The following PHLDB2 variants were observed in gnomAD, a reference collection of about 807,000 sequenced individuals.
The protein encoded by PHLDB2 is pleckstrin homology-like domain family B member 2.
In PHLDB2, 71 loss-of-function variants were observed where a neutral mutation model predicts 123.6. That is an observed-to-expected ratio of 0.57 (90% CI 0.47 to 0.70). The LOEUF (loss-of-function observed/expected upper bound fraction) is 0.70. Among genes scored for constraint, PHLDB2 ranks in the 30% least tolerant of loss-of-function variants. The pLI, the probability that PHLDB2 is intolerant of heterozygous loss-of-function variation, is 0.00. For synonymous variants in PHLDB2, 547 were observed against 541.6 expected (o/e 1.01, Z -0.14); for missense variants, 1,446 against 1,519.5 (o/e 0.95, Z 0.80).
At chr3:111,946,968 ACAGTT>A (rs59671034) in intron 9 of PHLDB2, among the ~76,000 whole-genome samples, 11,053 of 152,264 alleles carry the variant, frequency 0.073, 409 homozygotes, top group Non-Finnish European at 0.087. Context: ...GGTAGAGTTG[ACAGTT>A]CACAGTTCTT....
intron 1 of PHLDB2, among the ~76,000 whole-genome samples, chr3:111,789,771 G>A (rs1174612743): frequency 3.3e-5 from 5 of 152,214 alleles, no homozygotes; most frequent in African/African-American, 9.6e-5. Context: ...AGTTACCGCC[G>A]TGCCAAAATT....
intron 2 of PHLDB2, among the ~76,000 whole-genome samples, chr3:111,899,647 A>C (rs1221259903): frequency 2.0e-5 from 3 of 152,198 alleles, no homozygotes; most frequent in Non-Finnish European, 4.4e-5. Context: ...TTTCAACTTA[A>C]AGTTAGCAGC....
chr3:111,780,291 A>AGAAGAAGAAGAG (rs1559827019), intron 1 of PHLDB2, among the ~76,000 whole-genome samples: 2 of 2,354 alleles, frequency 8.5e-4, no homozygotes, highest in African/African-American at 1.1e-3. Context: ...AAGAAGAAGA[A>AGAAGAAGAAGAG]GAAGAGGAAG....
At chr3:111,772,402 A>G (rs547232401) in intron 1 of PHLDB2, among the ~76,000 whole-genome samples, 1 of 152,310 alleles carries the variant, frequency 6.6e-6, no homozygotes, top group South Asian at 2.1e-4. Flanking sequence ...GGGAAGGAGT[A>G]AAAAGAAGGA....
At chr3:111,760,324 C>T (rs2059970854) in intron 1 of PHLDB2, among the ~76,000 whole-genome samples, 3 of 152,112 alleles carry the variant, frequency 2.0e-5, no homozygotes, top group East Asian at 3.8e-4. Context: ...AGATGGAATC[C>T]AAAGATCCCT....
chr3:111,974,432 C>A lies in PHLDB2; in HGVS notation c.3631C>A (p.Pro1211Thr). The change falls in exon 18 of 18, where the codon CCG becomes ACG. Residue 1211 changes from proline (P) to threonine (T), a missense_variant. This residue lies in a region of PHLDB2 where 594 missense variants were observed against 646.0 expected (regional missense o/e 0.92). Transcript: ENST00000431670. Reference protein sequence around the residue: ...HLKNANKSPNPLLTFSVKTHD... With the variant: ...HLKNANKSPNTLLTFSVKTHD... ...CTTTTTTGAATTTTAGAGTCCTAATCCGTTACTCACCTTTAGCGTCAAGAC... is the reference window on the plus strand; with the variant it reads ...CTTTTTTGAATTTTAGAGTCCTAATACGTTACTCACCTTTAGCGTCAAGAC... 1 of 1,601,256 alleles carries A rather than the reference C, an allele frequency of 6.2e-7. No homozygotes were observed. Among genetic ancestry groups the A allele is most frequent in the Admixed American group, 1.7e-5 (1 of 57,964 alleles).
intron 1 of PHLDB2, among the ~76,000 whole-genome samples, chr3:111,875,710 C>A (rs971052849): frequency 5.3e-5 from 8 of 151,034 alleles, no homozygotes; most frequent in Non-Finnish European, 1.0e-4. Context: ...GTAATCCTAG[C>A]TACTGGGGAG....
At chr3:111,960,227 G>A (rs970926238) in intron 12 of PHLDB2, 6 of 579,830 alleles carry the variant, frequency 1.0e-5, no homozygotes, top group East Asian at 1.4e-4. Flanking sequence ...AAAAAAAGAC[G>A]CAGCTTCACG....
At position 111,792,698 on chromosome 3, in the gene PHLDB2, C is replaced by T. The variant is rs535944454; in HGVS notation, c.-48-53123C>T. Among the ~76,000 whole-genome samples, 25 of 152,120 alleles carry T rather than the reference C, an allele frequency of 1.6e-4. No individual in the cohort carries two copies. The South Asian group carries it at 4.4e-3, about 27-fold the overall frequency. ...CTCCATCCGGGGTGACCAAACAAGA[C>T]CCTGTCTCAAATTAAAAAAACAAAA... is the stretch of plus-strand genomic sequence containing the variant. On this transcript the variant is annotated intron_variant, in intron 1 of 17. Coordinates refer to the PHLDB2 transcript ENST00000393923.
chr3:111,735,708 C>A (rs1941665860), intron 1 of PHLDB2, among the ~76,000 whole-genome samples: 1 of 152,184 alleles, frequency 6.6e-6, no homozygotes, highest in Admixed American at 6.5e-5. Context: ...AAAGTTGAAG[C>A]TAAAACACAA....
intron 1 of PHLDB2, among the ~76,000 whole-genome samples, chr3:111,733,126 T>C (rs1941558285): frequency 6.6e-6 from 1 of 152,180 alleles, no homozygotes; most frequent in Non-Finnish European, 1.5e-5. Context: ...TAGAATAATA[T>C]ATTCCGAGAA....
In PHLDB2 at chr3:111,935,089, C is replaced by T. The variant is rs1279649562; in HGVS notation, c.2130+2692C>T. On this transcript the variant is annotated intron_variant, in intron 6 of 17. Coordinates refer to ENST00000431670, the MANE Select transcript of PHLDB2 (RefSeq NM_001134438.2). ...TCAAATGAATGGTTGATTTTGGTAT[C>T]TTGATTTTTTTTTTTTTTTTTTTTT... Among the ~76,000 whole-genome samples the T allele has an allele frequency of 2.0e-4, 26 of 131,140 alleles. No homozygotes were observed. The Admixed American group carries it at 2.0e-3, about 10-fold the overall frequency. 86.0% of individuals were successfully genotyped at this position (131,140 alleles called of 152,430 possible).
At chr3:111,758,412 T>C (rs1201106195) in intron 1 of PHLDB2, among the ~76,000 whole-genome samples, 3 of 152,222 alleles carry the variant, frequency 2.0e-5, no homozygotes, top group East Asian at 3.9e-4. Flanking sequence ...CCGAGCCATG[T>C]GCGGGATATA....
At chr3:111,793,176 G>C (rs1259109272) in intron 1 of PHLDB2, among the ~76,000 whole-genome samples, 1 of 152,154 alleles carries the variant, frequency 6.6e-6, no homozygotes, top group Non-Finnish European at 1.5e-5. Flanking sequence ...TTGAGCAAGG[G>C]CCCAGGATCA....
At chr3:111,745,129 A>T (rs550210272) in intron 1 of PHLDB2, among the ~76,000 whole-genome samples, 25 of 152,254 alleles carry the variant, frequency 1.6e-4, no homozygotes, top group African/African-American at 6.0e-4. Context: ...GAGCCAAAAT[A>T]GTTGCATCTG....
Position 111,763,836 on chromosome 3 carries a change from C to T in PHLDB2, c.-49+31133C>T, listed in dbSNP as rs2060034759. On this transcript the variant is annotated intron_variant, in intron 1 of 17. Transcript: ENST00000393923. ...AACCAGGAAACAGTCCCTCACCAGACACTGAATCTGTTGGTGCCTTGATCT... is the reference window on the plus strand; with the variant it reads ...AACCAGGAAACAGTCCCTCACCAGATACTGAATCTGTTGGTGCCTTGATCT... Among the ~76,000 whole-genome samples the T allele has an allele frequency of 2.6e-5, 4 of 152,138 alleles. No homozygotes were observed. The South Asian group carries it at 8.3e-4, about 32-fold the overall frequency.
At chr3:111,827,200 T>C (rs908078192) in intron 1 of PHLDB2, among the ~76,000 whole-genome samples, 7 of 152,230 alleles carry the variant, frequency 4.6e-5, no homozygotes, top group African/African-American at 1.7e-4. Flanking sequence ...GACAGAAATG[T>C]GACCACATCC....
At chr3:111,958,546 T>G (rs560466948) in intron 12 of PHLDB2, among the ~76,000 whole-genome samples, 2 of 152,264 alleles carry the variant, frequency 1.3e-5, no homozygotes, top group South Asian at 4.2e-4. Context: ...TAAATGGGCC[T>G]TGCACATTTG....
intron 1 of PHLDB2, among the ~76,000 whole-genome samples, chr3:111,792,410 C>T (rs1376689939): frequency 6.6e-6 from 1 of 152,152 alleles, no homozygotes; most frequent in African/African-American, 2.4e-5. Flanking sequence ...TATCAGTTAT[C>T]ATCAAGATCT....
Sources: allele counts gnomAD v4.1 joint callset (sites outside exome capture counted in the v4.1 genomes callset), GRCh38; gene constraint gnomAD v4.1.1; regional missense constraint gnomAD v4.1.1; transcripts MANE v1.5; gene names NCBI Gene and HGNC (gene_info 2026-07-23, HGNC 2026-07-21).